Variants in MIB1 observed in about 807,000 individuals in gnomAD.
MIB1 encodes the protein E3 ubiquitin-protein ligase MIB1.
In MIB1, 278 loss-of-function variants were observed where a neutral mutation model predicts 124.5. The ratio of observed to expected loss-of-function variants is 2.23; its 90% CI spans 2.02 to 2.47. The LOEUF (loss-of-function observed/expected upper bound fraction) is 2.47. Ranked by LOEUF, MIB1 falls within the 30% of genes most tolerant of loss-of-function variation. The pLI, the probability that MIB1 is intolerant of heterozygous loss-of-function variation, is 0.00. For synonymous variants in MIB1, 446 were observed against 429.4 expected, an observed-to-expected ratio of 1.04 and a Z score of -0.48; for missense variants, 957 against 1,254.4, an observed-to-expected ratio of 0.76 and a Z score of 3.58.
chr18:21,840,643 ATATATATATATATATATATATATTTT>A (rs1252526776), intron 13 of MIB1, among the ~76,000 whole-genome samples: 3 of 2,814 alleles, frequency 1.1e-3, no homozygotes, highest in Non-Finnish European at 1.8e-3. Flanking sequence ...ATATATATAT[ATATATATATATATATATATATATTTT>A]TTTTTTTTTT....
At position 21,864,696 on chromosome 18, in the gene MIB1, A is replaced by T; in HGVS notation, c.*30A>T. ...GACACATGGTGTATTTTGTTAGCTA[A>T]TGTATCTAGTCATGAGATCTTAATA... On this transcript the variant is annotated 3_prime_UTR_variant, in exon 21 of 21. Transcript: ENST00000261537. The T allele has an allele frequency of 6.3e-7, 1 of 1,585,328 alleles. No homozygotes were observed. Among genetic ancestry groups the T allele is most frequent in the Non-Finnish European group, 8.6e-7 (1 of 1,156,830 alleles).
Position 21,791,486 on chromosome 18 carries a change from GT to G in MIB1, c.1024del (p.Cys342ValfsTer25), listed in dbSNP as rs1378314816. Reference sequence around the variant, plus strand: ...GTTTCAAGTGGGTGATCTTGTACAAGTTTGTTATGACCTGGAACGAATTAAA... The same window carrying G: ...GTTTCAAGTGGGTGATCTTGTACAAGTTGTTATGACCTGGAACGAATTAAA... The part of the protein sequence containing the change: ...SQFQVGDLVQ[V>X]CYDLERIKLL... On this transcript the variant is annotated frameshift_variant, in exon 7 of 21. Transcript: ENST00000261537. LOFTEE classifies it high-confidence loss of function. 2 of 1,613,990 alleles carry G rather than the reference GT, an allele frequency of 1.2e-6. No individual in the cohort carries two copies. The highest frequency in any genetic ancestry group is 1.1e-5 in the South Asian group (1 of 91,086).
intron 18 of MIB1, among the ~76,000 whole-genome samples, chr18:21,856,847 T>C (rs1051029530): frequency 4.6e-5 from 7 of 152,264 alleles, no homozygotes; most frequent in Non-Finnish European, 5.9e-5. Flanking sequence ...TTGAAATATT[T>C]ATTGTGTCAC....
intron 12 of MIB1, chr18:21,827,277 T>G (rs1453119436): frequency 6.6e-6 from 1 of 152,060 alleles, no homozygotes; most frequent in Non-Finnish European, 1.5e-5. Context: ...GAAAATACTC[T>G]TAGATAAGTT....
At chr18:21,762,679 AAAAAC>A (rs2041111556) in intron 1 of MIB1, among the ~76,000 whole-genome samples, 1 of 152,188 alleles carries the variant, frequency 6.6e-6, no homozygotes, top group Admixed American at 6.5e-5. Context: ...ACTTTAAACT[AAAAAC>A]AAACAAAAAC....
At chr18:21,805,732 T>TG (rs5823310) in intron 10 of MIB1, among the ~76,000 whole-genome samples, 3 of 152,168 alleles carry the variant, frequency 2.0e-5, no homozygotes, top group African/African-American at 7.2e-5. Context: ...CTTTTTAAAG[T>TG]TGCTTTCAGA....
intron 1 of MIB1, among the ~76,000 whole-genome samples, chr18:21,746,151 G>T (rs912230173): frequency 2.6e-5 from 4 of 152,156 alleles, no homozygotes; most frequent in Admixed American, 1.3e-4. Context: ...AAAATTTATT[G>T]CAGTATGATT....
chr18:21,773,699 A>T lies in MIB1; in HGVS notation c.607A>T (p.Asn203Tyr). 1 of 1,607,140 alleles carries T rather than the reference A, an allele frequency of 6.2e-7. No individual in the cohort carries two copies. The highest frequency in any genetic ancestry group is 8.5e-7 in the Non-Finnish European group (1 of 1,177,266). Residue 203 changes from asparagine to tyrosine, a missense_variant, in exon 4 of 21, where the codon AAC (asparagine) becomes TAC (tyrosine). Coordinates refer to ENST00000261537, the MANE Select transcript of MIB1 (RefSeq NM_020774.4). ...AYVLWDNGAK[N>Y]LYRVGFEGMS... ...TGTCCTCTGGGATAATGGTGCTAAG[A>T]ACCTTTACAGAGTTGGCTTTGAGGG...
chr18:21,709,308 A>ACC (rs1555684853), intron 1 of MIB1, among the ~76,000 whole-genome samples: 1 of 127,800 alleles, frequency 7.8e-6, no homozygotes, highest in Admixed American at 8.5e-5. Flanking sequence ...AAAGAGCGAG[A>ACC]CTGTCTCAAA....
intron 11 of MIB1, among the ~76,000 whole-genome samples, chr18:21,817,169 T>C (rs896784163): frequency 6.8e-6 from 1 of 146,080 alleles, no homozygotes; most frequent in African/African-American, 2.6e-5. Flanking sequence ...TTTTTTTTTT[T>C]TTTTTTTTTT....
At chr18:21,812,483 A>T (rs1352931648) in intron 10 of MIB1, 1 of 152,240 alleles carries the variant, frequency 6.6e-6, no homozygotes, top group South Asian at 2.1e-4. Context: ...GTAAGAATGA[A>T]GGCCTGAATT....
intron 1 of MIB1, among the ~76,000 whole-genome samples, chr18:21,753,484 G>A (rs758609059): frequency 1.3e-5 from 2 of 151,982 alleles, no homozygotes; most frequent in African/African-American, 2.4e-5. Flanking sequence ...ATCATGCCCA[G>A]CCTGAAAATA....
intron 12 of MIB1, among the ~76,000 whole-genome samples, chr18:21,833,652 G>C (rs903356615): frequency 1.3e-5 from 2 of 152,174 alleles, no homozygotes; most frequent in African/African-American, 4.8e-5. Context: ...AGATTGCAAA[G>C]CATGGCAGGC....
At chr18:21,836,336 C>T (rs905116931) in intron 12 of MIB1, among the ~76,000 whole-genome samples, 3 of 145,990 alleles carry the variant, frequency 2.1e-5, no homozygotes, top group Non-Finnish European at 4.5e-5. Flanking sequence ...TGCAGTGGCT[C>T]GATCTCCACT....
intron 5 of MIB1, 98 bp from the exon 6 acceptor site, chr18:21,779,383 C>A: frequency 1.0e-6 from 1 of 963,424 alleles, no homozygotes; most frequent in Admixed American, 2.0e-5. Flanking sequence ...TAGATGGTAC[C>A]TGAAACTAAA....
intron 13 of MIB1, among the ~76,000 whole-genome samples, chr18:21,841,351 G>T (rs763919075): frequency 6.6e-6 from 1 of 152,120 alleles, no homozygotes; most frequent in Non-Finnish European, 1.5e-5. Context: ...TGGGTGAAGA[G>T]GGAGTGAGAC....
intron 12 of MIB1, chr18:21,825,650 G>A (rs1034065455): frequency 2.0e-5 from 10 of 510,006 alleles, no homozygotes; most frequent in South Asian, 1.2e-4. Context: ...AAATTAGTTG[G>A]CAAGTAATTG....
At chr18:21,744,266 T>C (rs867042771) in intron 1 of MIB1, among the ~76,000 whole-genome samples, 1 of 152,130 alleles carries the variant, frequency 6.6e-6, no homozygotes, top group Admixed American at 6.5e-5. Flanking sequence ...TCAATATTTA[T>C]TAAGTACTTG....
At chr18:21,840,053 A>G (rs1045666795) in intron 13 of MIB1, among the ~76,000 whole-genome samples, 15 of 152,044 alleles carry the variant, frequency 9.9e-5, no homozygotes, top group Non-Finnish European at 2.1e-4. Flanking sequence ...GACCCAGTCA[A>G]TCAATGAGTC....
Sources: allele counts gnomAD v4.1 joint callset (sites outside exome capture counted in the v4.1 genomes callset), GRCh38; gene constraint gnomAD v4.1.1; transcripts MANE v1.5; gene names NCBI Gene and HGNC (gene_info 2026-07-23, HGNC 2026-07-21).